Variants in GREB1L observed in about 807,000 individuals in gnomAD.
The protein encoded by GREB1L is GREB1-like protein.
Under a neutral mutation model 200.8 loss-of-function variants are expected in GREB1L, and 17 were observed. The ratio of observed to expected loss-of-function variants is 0.08; its 90% CI spans 0.06 to 0.13. The LOEUF (loss-of-function observed/expected upper bound fraction) is 0.13, where lower values mean the gene tolerates loss of function less well. Among genes scored for constraint, GREB1L ranks in the 10% least tolerant of loss-of-function variants. The probability of loss-of-function intolerance (pLI) is 1.00; values close to 1 mark genes in which losing one functional copy is unlikely to be tolerated. For synonymous variants in GREB1L, 789 were observed against 893.0 expected (o/e 0.88, Z 2.08); for missense variants, 1,657 against 2,367.7 (o/e 0.70, Z 6.23).
chr18:21,401,452 A>G (rs2041312066), intron 6 of GREB1L, 126 bp downstream of exon 6: 2 of 733,872 alleles, frequency 2.7e-6, no homozygotes, highest in South Asian at 5.0e-5. Context: ...GGATATCCCA[A>G]AATTTAAAGC....
At chr18:21,299,101 A>C (rs535128478) in intron 1 of GREB1L, among the ~76,000 whole-genome samples, 14 of 151,414 alleles carry the variant, frequency 9.2e-5, no homozygotes, top group African/African-American at 3.4e-4. Context: ...AACATGGTGA[A>C]ATCCTGTCTC....
At chr18:21,289,522 GAC>G in intron 1 of GREB1L, among the ~76,000 whole-genome samples, 1 of 152,072 alleles carries the variant, frequency 6.6e-6, no homozygotes, top group East Asian at 1.9e-4. Context: ...CAGCCTGGGA[GAC>G]ACAGTGAGAC....
At chr18:21,245,958 G>A (rs1385351683) in intron 1 of GREB1L, among the ~76,000 whole-genome samples, 1 of 152,152 alleles carries the variant, frequency 6.6e-6, no homozygotes, top group Non-Finnish European at 1.5e-5. Context: ...TCTCGACCTC[G>A]TGATCTGCCC....
chr18:21,260,959 C>T (rs2037880740), intron 1 of GREB1L, among the ~76,000 whole-genome samples: 1 of 151,760 alleles, frequency 6.6e-6, no homozygotes, highest in African/African-American at 2.4e-5. Flanking sequence ...AGCCAATACT[C>T]AATTACCTCG....
chr18:21,305,060 C>G (rs563879861), intron 1 of GREB1L, among the ~76,000 whole-genome samples: 1 of 152,006 alleles, frequency 6.6e-6, no homozygotes, highest in African/African-American at 2.4e-5. Flanking sequence ...CTCACTGTAA[C>G]TTCCTCCTGG....
At chr18:21,379,791 G>A (rs1197143209) in intron 2 of GREB1L, among the ~76,000 whole-genome samples, 1 of 152,114 alleles carries the variant, frequency 6.6e-6, no homozygotes, top group African/African-American at 2.4e-5. Context: ...TTTTGATCAC[G>A]TGTGGTGCTG....
rs1408936055 is a variant in GREB1L, at chr18:21,524,486, G to GTATGT, written c.*1667_*1671dup. The GTATGT allele has an allele frequency of 3.9e-5, 6 of 152,244 alleles. No homozygotes were observed. Among genetic ancestry groups the GTATGT allele is most frequent in the African/African-American group, 1.2e-4 (5 of 41,540 alleles). 9.4% of individuals were successfully genotyped at this position (152,244 alleles called of 1,614,324 possible). On this transcript the variant is annotated 3_prime_UTR_variant, in exon 33 of 33. Coordinates refer to ENST00000424526, the MANE Select transcript of GREB1L (RefSeq NM_001142966.3). The stretch of plus-strand genomic sequence containing the variant: ...GTACAGCAGAATTTTTGGTAAAGAG[G>GTATGT]TATGTTTTGAAGCAATTTGGTTTAA...
chr18:21,244,431 C>G (rs2037562552), intron 1 of GREB1L, among the ~76,000 whole-genome samples: 1 of 152,100 alleles, frequency 6.6e-6, no homozygotes, highest in Non-Finnish European at 1.5e-5. Flanking sequence ...GGTTGCATCT[C>G]TTAATTCTAG....
chr18:21,485,534 G>T, intron 17 of GREB1L, 86 bp from the exon 18 acceptor site: 1 of 1,248,980 alleles, frequency 8.0e-7, no homozygotes, highest in Non-Finnish European at 1.1e-6. Flanking sequence ...CTCTTACAGC[G>T]GTCATTTCTG....
Position 21,477,229 on chromosome 18 carries a change from G to A in GREB1L, c.2429G>A (p.Cys810Tyr). 1 of 1,551,982 alleles carries A rather than the reference G, an allele frequency of 6.4e-7. No individual in the cohort carries two copies. The highest frequency in any genetic ancestry group is 2.0e-5 in the Admixed American group (1 of 50,984). Residue 810 changes from cysteine to tyrosine, a missense_variant, in exon 17 of 33, where the codon TGC (cysteine) becomes TAC (tyrosine). By Grantham distance (194) the Cys-to-Tyr change is radical. This residue lies in a region of GREB1L where 239 missense variants were observed against 421.8 expected (regional missense o/e 0.57). Coordinates refer to ENST00000424526, the MANE Select transcript of GREB1L (RefSeq NM_001142966.3). ...GGGCTAGCTGATAGAGTCATTAATTGCAGAGAAGTTCTGGAAGCTTTCAAC... is the reference window on the plus strand; with the variant it reads ...GGGCTAGCTGATAGAGTCATTAATTACAGAGAAGTTCTGGAAGCTTTCAAC... ...SHGLADRVIN[C>Y]REVLEAFNLL... is the part of the protein sequence containing the mutation.
chr18:21,341,732 T>A (rs2145153663), intron 1 of GREB1L, among the ~76,000 whole-genome samples: 1 of 152,278 alleles, frequency 6.6e-6, no homozygotes, highest in South Asian at 2.1e-4. Context: ...TTGGAGTTCA[T>A]ACTGACTGAA....
chr18:21,307,780 A>G (rs935425598), intron 1 of GREB1L, among the ~76,000 whole-genome samples: 5 of 152,066 alleles, frequency 3.3e-5, no homozygotes. Flanking sequence ...GGTCAGGCTC[A>G]TTATTCTCCT....
intron 4 of GREB1L, among the ~76,000 whole-genome samples, chr18:21,388,578 A>G (rs867756730): frequency 1.4e-4 from 15 of 109,396 alleles, no homozygotes; most frequent in African/African-American, 3.7e-4. Context: ...ATCTTGCTCT[A>G]TCGCCCAGGC....
intron 1 of GREB1L, among the ~76,000 whole-genome samples, chr18:21,334,772 CAA>C (rs5823302): frequency 7.8e-5 from 11 of 140,498 alleles, no homozygotes; most frequent in Admixed American, 2.8e-4. Context: ...GACCCCATCT[CAA>C]AAAAAAAAAA....
intron 1 of GREB1L, among the ~76,000 whole-genome samples, chr18:21,269,289 C>T (rs2038040523): frequency 6.6e-6 from 1 of 152,104 alleles, no homozygotes; most frequent in African/African-American, 2.4e-5. Flanking sequence ...GTATAATCAC[C>T]TATTCATAAT....
At chr18:21,456,860 C>G (rs2034788573) in intron 15 of GREB1L, among the ~76,000 whole-genome samples, 1 of 152,148 alleles carries the variant, frequency 6.6e-6, no homozygotes, top group Non-Finnish European at 1.5e-5. Context: ...TCGGTCACAC[C>G]AAGCAGTAGC....
chr18:21,507,957 C>A (rs150368830), intron 25 of GREB1L, among the ~76,000 whole-genome samples, 161 bp from the exon 26 acceptor site: 3 of 152,164 alleles, frequency 2.0e-5, no homozygotes, highest in African/African-American at 7.2e-5. Flanking sequence ...GAAGTGTTTG[C>A]CTTATCAACC....
At chr18:21,364,825 T>C (rs548034196) in intron 1 of GREB1L, among the ~76,000 whole-genome samples, 28 of 150,508 alleles carry the variant, frequency 1.9e-4, no homozygotes, top group African/African-American at 7.0e-4. Flanking sequence ...CTATTGGAAT[T>C]AGATTACTGA....
At chr18:21,398,445 G>A (rs2041177992) in intron 5 of GREB1L, among the ~76,000 whole-genome samples, 1 of 152,226 alleles carries the variant, frequency 6.6e-6, no homozygotes, top group Admixed American at 6.5e-5. Flanking sequence ...TACCCTTACA[G>A]ACTTGGAACC....
Sources: allele counts gnomAD v4.1 joint callset (sites outside exome capture counted in the v4.1 genomes callset), GRCh38; gene constraint gnomAD v4.1.1; regional missense constraint gnomAD v4.1.1; transcripts MANE v1.5; gene names NCBI Gene and HGNC (gene_info 2026-07-23, HGNC 2026-07-21).